DNM3: variants seen among roughly 807,000 people sequenced by gnomAD.
DNM3 encodes the protein dynamin-3.
In DNM3, 47 loss-of-function variants were observed where a neutral mutation model predicts 101.6. The ratio of observed to expected loss-of-function variants is 0.46; its 90% confidence interval spans 0.37 to 0.59. DNM3 has a LOEUF of 0.59. Ranked by LOEUF, DNM3 falls within the 20% of genes least tolerant of loss-of-function variation. The pLI, the probability that DNM3 is intolerant of heterozygous loss-of-function variation, is 0.00. For missense variants in DNM3, 849 were observed against 1,085.7 expected (o/e 0.78, Z 3.06); for synonymous variants, 385 against 387.9 (o/e 0.99, Z 0.09).
intron 15 of DNM3, among the ~76,000 whole-genome samples, chr1:172,301,543 C>G (rs1283680630): frequency 6.6e-6 from 1 of 152,046 alleles, no homozygotes; most frequent in Non-Finnish European, 1.5e-5. Flanking sequence ...TCCTGTAACT[C>G]TATTTATAGG....
At chr1:172,386,020 C>T (rs1292069770) in intron 18 of DNM3, among the ~76,000 whole-genome samples, 1 of 152,154 alleles carries the variant, frequency 6.6e-6, no homozygotes, top group Admixed American at 6.5e-5. Flanking sequence ...TGCTGTGTGA[C>T]CTAGCACAAG....
intron 17 of DNM3, among the ~76,000 whole-genome samples, chr1:172,339,518 C>T (rs971194380): frequency 2.0e-5 from 3 of 152,134 alleles, no homozygotes; most frequent in Non-Finnish European, 2.9e-5. Flanking sequence ...GCTATGCTTA[C>T]GGGCCAAAGC....
intron 2 of DNM3, among the ~76,000 whole-genome samples, chr1:171,969,525 C>G (rs1451562836): frequency 6.6e-6 from 1 of 152,170 alleles, no homozygotes; most frequent in East Asian, 1.9e-4. Context: ...AGAAGTCTGT[C>G]TGGACATGGT....
At chr1:172,376,026 A>G (rs1260986436) in intron 17 of DNM3, 1 of 152,042 alleles carries the variant, frequency 6.6e-6, no homozygotes, top group African/African-American at 2.4e-5. Flanking sequence ...TTATAAAAAT[A>G]TGTTTTAAAT....
Position 172,411,488 on chromosome 1 carries a change from CT to C in DNM3, c.*3649del. 1.0e-6 allele frequency: 1 copy of C among 982,086 alleles called. No homozygotes were observed. The highest frequency in any genetic ancestry group is 1.2e-6 in the Non-Finnish European group (1 of 828,972). 60.8% of individuals were successfully genotyped at this position (982,086 alleles called of 1,614,324 possible). On this transcript the variant is annotated 3_prime_UTR_variant, in exon 21 of 21. Transcript: ENST00000627582. ...TTATTTTTGGATTGCTGAGCTGAATCTTAAAAAGCCAAGTTGATATACATAG... is the reference window on the plus strand; with the variant it reads ...TTATTTTTGGATTGCTGAGCTGAATCTAAAAAGCCAAGTTGATATACATAG...
At position 172,095,201 on chromosome 1, in the gene DNM3, A is replaced by T. The variant is rs76933216; in HGVS notation, c.1545+2326A>T. 5.6e-3 allele frequency among the ~76,000 whole-genome samples: 855 copies of T among 152,324 alleles called. 8 individuals carry two copies. Among genetic ancestry groups the T allele is most frequent in the African/African-American group, 0.019 (807 of 41,576 alleles). Reference sequence around the variant, plus strand: ...TTTTGGACTTTATTAACTGTATCATATATTACCCTACATTTTGTGGAGTTA... The same window carrying T: ...TTTTGGACTTTATTAACTGTATCATTTATTACCCTACATTTTGTGGAGTTA... On this transcript the variant is annotated intron_variant, in intron 13 of 20. Coordinates refer to ENST00000627582, the MANE Select transcript of DNM3 (RefSeq NM_015569.5).
At chr1:172,205,437 A>T (rs1041347104) in intron 14 of DNM3, among the ~76,000 whole-genome samples, 14 of 152,130 alleles carry the variant, frequency 9.2e-5, no homozygotes, top group African/African-American at 3.4e-4. Flanking sequence ...AGTGGACTAT[A>T]AACTACATTT....
intron 1 of DNM3, among the ~76,000 whole-genome samples, chr1:171,917,399 G>A (rs1193195456): frequency 6.6e-6 from 1 of 152,186 alleles, no homozygotes; most frequent in African/African-American, 2.4e-5. Context: ...GTTACTGGAA[G>A]AGCCAATAAG....
intron 14 of DNM3, among the ~76,000 whole-genome samples, chr1:172,220,945 T>A (rs75197499): frequency 0.067 from 10,178 of 152,204 alleles, 456 homozygotes; most frequent in African/African-American, 0.12. Context: ...TGAAATATTC[T>A]TATAACATTA....
chr1:172,402,011 C>A (rs9425304), intron 20 of DNM3, among the ~76,000 whole-genome samples: 49,857 of 151,964 alleles, frequency 0.33, 9,509 homozygotes, highest in East Asian at 0.51. Flanking sequence ...GTGCTCCAAC[C>A]CGATTTATCT....
rs192323574 is a variant in DNM3 at position 171,881,817 on chromosome 1, A to T, written c.162-39931A>T. ...GTCTGTTAGCAGAGGAACAGGATTA[A>T]TGAAGGGATTTGTCCCTCTCTTACC... On this transcript the variant is annotated intron_variant, in intron 1 of 20. Transcript: ENST00000627582. 4.8e-4 allele frequency among the ~76,000 whole-genome samples: 73 copies of T among 152,358 alleles called. 1 individual carries two copies. The highest frequency in any genetic ancestry group is 1.5e-3 in the African/African-American group (61 of 41,588).
intron 15 of DNM3, among the ~76,000 whole-genome samples, chr1:172,282,100 G>C (rs1364315355): frequency 6.6e-6 from 1 of 152,146 alleles, no homozygotes; most frequent in Non-Finnish European, 1.5e-5. Context: ...TGCAGTACTT[G>C]CTTCTAAGAC....
rs2045457798 is a variant in DNM3, at chr1:171,988,925, C to T, written c.386-20C>T. ...TAGCATTGAAGGTGTATGTAAGACT[C>T]CTTTATCCTTTCCACACAGTGTTAA... On this transcript the variant is annotated intron_variant, in intron 3 of 20. Coordinates refer to ENST00000627582, the MANE Select transcript of DNM3 (RefSeq NM_015569.5). 6.4e-7 allele frequency: 1 copy of T among 1,561,000 alleles called. No individual in the cohort carries two copies. Among genetic ancestry groups the T allele is most frequent in the Non-Finnish European group, 8.7e-7 (1 of 1,150,946 alleles).
At chr1:172,148,331 A>G (rs1416088691) in intron 14 of DNM3, among the ~76,000 whole-genome samples, 1 of 150,424 alleles carries the variant, frequency 6.6e-6, no homozygotes, top group African/African-American at 2.4e-5. Context: ...ATGGTAGTCC[A>G]TTTAGTAAAC....
intron 14 of DNM3, among the ~76,000 whole-genome samples, chr1:172,197,251 T>G (rs2059987959): frequency 6.6e-6 from 1 of 152,176 alleles, no homozygotes; most frequent in Admixed American, 6.6e-5. Flanking sequence ...CTTTCTATTC[T>G]GTTCCATTGG....
chr1:171,987,437 T>A (rs1447976446), intron 2 of DNM3: 4 of 659,664 alleles, frequency 6.1e-6, no homozygotes, highest in East Asian at 2.7e-4. Flanking sequence ...TTTAATTGCT[T>A]ATCTGAAAAT....
intron 1 of DNM3, among the ~76,000 whole-genome samples, chr1:171,849,821 A>G (rs2032705278): frequency 6.6e-6 from 1 of 152,222 alleles, no homozygotes. Flanking sequence ...AAAAAAGATT[A>G]AGCTGGAAAA....
chr1:172,139,535 T>G (rs1172640556), intron 14 of DNM3: 1 of 152,544 alleles, frequency 6.6e-6, no homozygotes, highest in Non-Finnish European at 1.5e-5. Flanking sequence ...AATGTCTCAT[T>G]TTCCTTTTAA....
At position 172,412,564 on chromosome 1, in the gene DNM3, T is replaced by G; in HGVS notation, c.*4723T>G. On this transcript the variant is annotated 3_prime_UTR_variant, in exon 21 of 21. Transcript: ENST00000627582. Reference sequence around the variant, plus strand: ...TACTTTCCACTGTCTTCTTGGCACTTTCAGGATTTCTTAATGCTGATATAT... The same window carrying G: ...TACTTTCCACTGTCTTCTTGGCACTGTCAGGATTTCTTAATGCTGATATAT... 4.1e-6 allele frequency: 4 copies of G among 985,804 alleles called. No homozygotes were observed. The highest frequency in any genetic ancestry group is 4.8e-6 in the Non-Finnish European group (4 of 829,882). The allele number at this position is 985,804 out of a possible 1,614,324, so 61.1% of individuals were successfully genotyped here.
Sources: gnomAD v4.1 joint callset for allele counts (sites outside exome capture counted in the v4.1 genomes callset) on GRCh38, gnomAD v4.1.1 for gene constraint, MANE v1.5 for transcripts, NCBI Gene and HGNC (gene_info 2026-07-23, HGNC 2026-07-21) for gene names.